Variants in D2HGDH observed in about 807,000 individuals in gnomAD.
The protein encoded by D2HGDH is D-2-hydroxyglutarate dehydrogenase, also known as D-2-hydroxyglutarate dehydrogenase, mitochondrial.
In D2HGDH, 31 loss-of-function variants were observed where a neutral mutation model predicts 46.9. The observed-to-expected ratio is 0.66, with a 90% CI of 0.50 to 0.89. The LOEUF (loss-of-function observed/expected upper bound fraction) is 0.89. Among genes scored for constraint, D2HGDH ranks in the 40% least tolerant of loss-of-function variants. The pLI is 0.00. For synonymous variants in D2HGDH, 364 were observed against 332.6 expected (o/e 1.09, Z -1.03); for missense variants, 698 against 720.8 (o/e 0.97, Z 0.36).
chr2:241,738,368 G>A (rs1025926708), intron 2 of D2HGDH, among the ~76,000 whole-genome samples: 1 of 152,232 alleles, frequency 6.6e-6, no homozygotes, highest in Non-Finnish European at 1.5e-5. Context: ...CTCAGTGCCT[G>A]CCCTACAAAA....
intron 2 of D2HGDH, among the ~76,000 whole-genome samples, chr2:241,738,544 G>A (rs1319196921): frequency 6.6e-6 from 1 of 152,238 alleles, no homozygotes; most frequent in Non-Finnish European, 1.5e-5. Flanking sequence ...CCTCCCCGGG[G>A]CATGCAGGAG....
chr2:241,735,277 C>G lies in D2HGDH; in HGVS notation c.53C>G (p.Pro18Arg), dbSNP rs372398867. The change falls in exon 2 of 10, where the codon CCG (proline) becomes CGG (arginine). Residue 18 changes from proline to arginine, a missense_variant. Pro to Arg is a moderately radical substitution (Grantham distance 103, BLOSUM62 -2). Transcript: ENST00000321264. ...CCCGCGTGGCTGTTGCGGGGTGCTC[C>G]GGGAGCCGCGGGTTCTTGGGGTCGG... Reference protein sequence around the residue: ...AWPAWLLRGAPGAAGSWGRPV... With the variant: ...AWPAWLLRGARGAAGSWGRPV... The G allele has an allele frequency of 5.3e-6, 8 of 1,521,442 alleles. No individual in the cohort carries two copies. The African/African-American group carries it at 1.1e-4, about 21-fold the overall frequency. 94.2% of individuals were successfully genotyped at this position (1,521,442 alleles called of 1,614,324 possible).
chr2:241,760,376 G>T (rs1158283618), intron 9 of D2HGDH, among the ~76,000 whole-genome samples: 2 of 146,716 alleles, frequency 1.4e-5, no homozygotes, highest in East Asian at 2.1e-4. Context: ...TCAGTCGAAG[G>T]CCTTTGCCAC....
Position 241,755,368 on chromosome 2 carries a change from C to G in D2HGDH, c.1141-481C>G, listed in dbSNP as rs140130962. The G allele has an allele frequency of 6.4e-5, 84 of 1,303,862 alleles. No individual in the cohort carries two copies. The African/African-American group carries it at 7.7e-4, about 12-fold the overall frequency. The allele number at this position is 1,303,862 out of a possible 1,614,324, so 80.8% of individuals were successfully genotyped here. A position where few individuals can be genotyped will look rare whatever the true frequency, so the allele number is the denominator to read the frequency against. On this transcript the variant is annotated intron_variant, in intron 8 of 9. Transcript: ENST00000321264. Reference sequence around the variant, plus strand: ...CACTGCCTGTGTGACTCTGCGCCCCCTTCCCTACCCTGCCCCACCCTGGTT... The same window carrying G: ...CACTGCCTGTGTGACTCTGCGCCCCGTTCCCTACCCTGCCCCACCCTGGTT...
intron 9 of D2HGDH, among the ~76,000 whole-genome samples, chr2:241,761,654 C>A (rs1698832241): frequency 6.6e-6 from 1 of 152,174 alleles, no homozygotes; most frequent in Admixed American, 6.6e-5. Flanking sequence ...TGTATCCAGT[C>A]CCCCAGGGAC....
chr2:241,755,745 G>A (rs998207691), intron 8 of D2HGDH, 104 bp from the exon 9 acceptor site: 4 of 1,606,760 alleles, frequency 2.5e-6, no homozygotes, highest in Middle Eastern at 1.6e-4. Context: ...CTCACCTGGT[G>A]AAGATACAGA....
intron 6 of D2HGDH, among the ~76,000 whole-genome samples, chr2:241,748,455 C>T (rs1025345949): frequency 1.3e-5 from 2 of 152,164 alleles, no homozygotes; most frequent in Admixed American, 6.5e-5. Flanking sequence ...TTTGGCCCAG[C>T]GTTTGTGGTG....
At chr2:241,738,781 G>A (rs1477874142) in intron 2 of D2HGDH, among the ~76,000 whole-genome samples, 2 of 152,220 alleles carry the variant, frequency 1.3e-5, no homozygotes, top group Non-Finnish European at 1.5e-5. Context: ...CTGCTGCCCC[G>A]AGTTTGGTGA....
chr2:241,737,590 A>G (rs1693276300), intron 2 of D2HGDH, among the ~76,000 whole-genome samples: 1 of 152,020 alleles, frequency 6.6e-6, no homozygotes, highest in Non-Finnish European at 1.5e-5. Flanking sequence ...CCTGGGGTCA[A>G]GCGATTTTCC....
chr2:241,747,676 C>T (rs1478675981), intron 6 of D2HGDH, among the ~76,000 whole-genome samples: 2 of 151,722 alleles, frequency 1.3e-5, no homozygotes, highest in African/African-American at 4.8e-5. Flanking sequence ...TGAAGGGATC[C>T]TCCTGCCTCC....
At chr2:241,735,925 G>A (rs1206657025) in intron 2 of D2HGDH, 2 of 236,276 alleles carry the variant, frequency 8.5e-6, no homozygotes, top group Non-Finnish European at 1.7e-5. Flanking sequence ...ACCACGTTCC[G>A]CTAATTTTTG....
chr2:241,737,606 C>G lies in D2HGDH; in HGVS notation c.292+2090C>G, dbSNP rs929749574. Among the ~76,000 whole-genome samples the G allele has an allele frequency of 2.0e-5, 3 of 152,320 alleles. No individual in the cohort carries two copies. The East Asian group carries it at 5.8e-4, about 29-fold the overall frequency. ...CTGGGGTCAAGCGATTTTCCTGTCT[C>G]AGCCTCCTGAGTAGCTGGGACTACA... On this transcript the variant is annotated intron_variant, in intron 2 of 9. Transcript: ENST00000321264.
intron 7 of D2HGDH, 74 bp from the exon 8 acceptor site, chr2:241,751,172 C>T: frequency 1.2e-6 from 2 of 1,604,854 alleles, no homozygotes; most frequent in Admixed American, 1.7e-5. Context: ...TACAGCTGTT[C>T]TGCCCGAGCA....
intron 6 of D2HGDH, chr2:241,749,689 C>T (rs1373397343): frequency 2.1e-5 from 7 of 328,158 alleles, no homozygotes; most frequent in Non-Finnish European, 3.0e-5. Context: ...CTGAGTCCCA[C>T]TGCCGTCTCA....
In D2HGDH at chr2:241,743,668, G is replaced by C. The variant is rs755078950; in HGVS notation, c.537G>C (p.Arg179=). The part of the protein sequence containing the change: ...QAGCVLEELS[R]YVEERDFIMP... ...GCTGCGTCCTGGAGGAGCTGAGCCGGTATGTGGAGGAACGGGACTTCATCA... is the reference window on the plus strand; with the variant it reads ...GCTGCGTCCTGGAGGAGCTGAGCCGCTATGTGGAGGAACGGGACTTCATCA... Residue 179 remains arginine (R), a synonymous_variant, in exon 5 of 10, where the codon CGG becomes CGC. Transcript: ENST00000321264. The surrounding 1 kb of genome is among the most constrained non-coding windows in gnomAD (Gnocchi z 4.8). 2 of 1,614,036 alleles carry C rather than the reference G, an allele frequency of 1.2e-6. No individual in the cohort carries two copies. Among genetic ancestry groups the C allele is most frequent in the South Asian group, 1.1e-5 (1 of 91,052 alleles).
chr2:241,764,576 C>G (rs926410153), intron 9 of D2HGDH, among the ~76,000 whole-genome samples: 34 of 152,358 alleles, frequency 2.2e-4, no homozygotes, highest in African/African-American at 6.3e-4. Context: ...CGACCTTTGT[C>G]GGTTCTGGTG....
intron 7 of D2HGDH, 95 bp downstream of exon 7, chr2:241,750,389 G>GGGGC: frequency 7.4e-7 from 1 of 1,355,626 alleles, no homozygotes; most frequent in Non-Finnish European, 1.0e-6. Context: ...TGGGCGGGGG[G>GGGGC]TGCCCGGGCG....
rs774490078 is a variant in D2HGDH, at chr2:241,744,865, G to C, written c.841G>C (p.Val281Leu). ...TCCACCCAAGCCCAGGGCTGTGAAC[G>C]TGGCTTTCCTCGGTGGGCTTCCTCG... ...LCPPKPRAVN[V>L]AFLGCPGFAE... The change falls in exon 6 of 10, where the codon GTG becomes CTG. Residue 281 changes from valine to leucine, a missense_variant. By Grantham distance (32) the Val-to-Leu change is conservative. Coordinates refer to ENST00000321264, the MANE Select transcript of D2HGDH (RefSeq NM_152783.5). 5 of 1,614,092 alleles carry C rather than the reference G, an allele frequency of 3.1e-6. No homozygotes were observed. The South Asian group carries it at 4.4e-5, about 14-fold the overall frequency.
In D2HGDH at chr2:241,751,372, A is replaced by G. The variant is rs1697169939; in HGVS notation, c.1124A>G (p.Asp375Gly). The G allele has an allele frequency of 6.2e-7, 1 of 1,613,470 alleles. No homozygotes were observed. Among genetic ancestry groups the G allele is most frequent in the Non-Finnish European group, 8.5e-7 (1 of 1,180,024 alleles). ...GLVTDGTMAT[D>G]QRKVKMLWAL... ...GTGACCGATGGGACCATGGCCACCG[A>G]CCAGAGGAAAGTCAAGGTGCCCTGT... The change falls in exon 8 of 10, where the codon GAC (aspartate) becomes GGC (glycine). Residue 375 changes from aspartate (D) to glycine (G), a missense_variant. By Grantham distance (94) the Asp-to-Gly change is moderately conservative. Coordinates refer to ENST00000321264, the MANE Select transcript of D2HGDH (RefSeq NM_152783.5).
Sources: allele counts gnomAD v4.1 joint callset (sites outside exome capture counted in the v4.1 genomes callset), GRCh38; gene constraint gnomAD v4.1.1; non-coding constraint Gnocchi (gnomAD v3.1); transcripts MANE v1.5; gene names NCBI Gene and HGNC (gene_info 2026-07-23, HGNC 2026-07-21).